Variants in BRD7 observed in about 807,000 individuals in gnomAD.
BRD7 encodes the protein bromodomain-containing protein 7.
A neutral mutation model predicts 82.1 loss-of-function variants in BRD7; 15 were observed. The observed-to-expected ratio is 0.18, with a 90% confidence interval of 0.12 to 0.28. BRD7 has a LOEUF of 0.28. BRD7 is among the 10% of genes least tolerant of loss of function. The probability of loss-of-function intolerance (pLI) is 1.00; values close to 1 mark genes in which losing one functional copy is unlikely to be tolerated. For synonymous variants in BRD7, 232 were observed against 266.9 expected (o/e 0.87, Z 1.27); for missense variants, 638 against 779.9 (o/e 0.82, Z 2.17).
intron 8 of BRD7, among the ~76,000 whole-genome samples, chr16:50,330,694 C>T (rs2037528025): frequency 6.6e-6 from 1 of 151,858 alleles, no homozygotes; most frequent in Non-Finnish European, 1.5e-5. Context: ...AATCAACTGA[C>T]CAAAGAAAAG....
Position 50,340,073 on chromosome 16 carries a change from A to C in BRD7, c.605T>G (p.Leu202Arg). The C allele has an allele frequency of 6.5e-7, 1 of 1,542,050 alleles. No homozygotes were observed. The highest frequency in any genetic ancestry group is 8.8e-7 in the Non-Finnish European group (1 of 1,139,944). The change falls in exon 6 of 17, where the codon CTA (leucine) becomes CGA (arginine). Residue 202 changes from leucine to arginine, a missense_variant. Leu to Arg is a moderately radical substitution (Grantham distance 102, BLOSUM62 -2). This residue lies in a region of BRD7 where 64 missense variants were observed against 123.8 expected (regional missense o/e 0.52). Coordinates refer to ENST00000394688, the MANE Select transcript of BRD7 (RefSeq NM_013263.5). ...SIEELKDNFK[L>R]MCTNAMIYNK... The stretch of plus-strand genomic sequence containing the variant: ...GTAAATCATGGCATTAGTACACATT[A>C]GTTTGAAGTTATCCTGCAGAAAGAA...
intron 5 of BRD7, among the ~76,000 whole-genome samples, chr16:50,347,742 T>C (rs2038347642): frequency 6.6e-6 from 1 of 152,132 alleles, no homozygotes; most frequent in South Asian, 2.1e-4. Flanking sequence ...TATAAACCAC[T>C]GCTCAATGAA....
At chr16:50,336,661 G>A (rs181035281) in intron 6 of BRD7, among the ~76,000 whole-genome samples, 7 of 152,182 alleles carry the variant, frequency 4.6e-5, no homozygotes, top group Admixed American at 4.6e-4. Context: ...AAAAATATTA[G>A]TGAGTTTAAT....
In BRD7 at chr16:50,362,256, C is replaced by T. The variant is rs145882689; in HGVS notation, c.258+5834G>A. On this transcript the variant is annotated intron_variant, in intron 2 of 16. Transcript: ENST00000394688. ...CTGTTAGGGCACTGACTTTATTTCC[C>T]CATGTGCTGTGGGCAGAGGTTGGTG... 2.4e-4 allele frequency among the ~76,000 whole-genome samples: 36 copies of T among 152,256 alleles called. No homozygotes were observed. The East Asian group carries it at 5.6e-3, about 24-fold the overall frequency.
chr16:50,321,569 A>C (rs1161017462), intron 13 of BRD7, among the ~76,000 whole-genome samples: 4 of 37,334 alleles, frequency 1.1e-4, no homozygotes, highest in Admixed American at 4.6e-4. Flanking sequence ...TCCATCTCAA[A>C]AAAAAAAAAA....
At chr16:50,321,847 T>C in intron 13 of BRD7, 135 bp downstream of exon 13, 1 of 757,554 alleles carries the variant, frequency 1.3e-6, no homozygotes, top group South Asian at 1.7e-5. Flanking sequence ...TGGTTTGCCA[T>C]TTCAGCTAGG....
At chr16:50,345,233 TCAC>T (rs1194754082) in intron 5 of BRD7, among the ~76,000 whole-genome samples, 1 of 152,184 alleles carries the variant, frequency 6.6e-6, no homozygotes, top group African/African-American at 2.4e-5. Flanking sequence ...GATTTTGTCA[TCAC>T]CAGGCCTGTC....
intron 5 of BRD7, among the ~76,000 whole-genome samples, chr16:50,344,443 G>A (rs764233960): frequency 1.3e-5 from 2 of 152,202 alleles, no homozygotes; most frequent in South Asian, 4.1e-4. Context: ...GAATGCTTCA[G>A]ACGATCAGTA....
intron 5 of BRD7, among the ~76,000 whole-genome samples, chr16:50,344,646 C>G (rs1214966956): frequency 1.3e-5 from 2 of 151,978 alleles, no homozygotes; most frequent in African/African-American, 2.4e-5. Context: ...CCGATTTGAT[C>G]AAGTGGAAGA....
At chr16:50,332,050 T>C (rs569714552) in intron 8 of BRD7, among the ~76,000 whole-genome samples, 3 of 152,274 alleles carry the variant, frequency 2.0e-5, no homozygotes, top group East Asian at 3.9e-4. Context: ...AATAAAACCT[T>C]GGAAATACTC....
chr16:50,350,909 G>A (rs79730151), intron 4 of BRD7, among the ~76,000 whole-genome samples: 2,402 of 152,276 alleles, frequency 0.016, 62 homozygotes, highest in African/African-American at 0.054. Context: ...GGGAAGAAGG[G>A]TAGGGTCCAG....
chr16:50,333,841 T>G (rs2151156540), intron 7 of BRD7, 144 bp from the exon 8 acceptor site: 1 of 681,300 alleles, frequency 1.5e-6, no homozygotes, highest in South Asian at 2.3e-5. Context: ...CTTGATGACC[T>G]GTTAAGGGTC....
At position 50,368,623 on chromosome 16, in the gene BRD7, G is replaced by T. The variant is rs1267089697; in HGVS notation, c.49+103C>A. On this transcript the variant is annotated intron_variant, in intron 1 of 16. Transcript: ENST00000394688. ...CCCCCTTCGCCGGCCTGGGCCTGCC[G>T]TGGGAAGGAAGGGCCCCGGGCCGCC... 7.9e-6 allele frequency: 10 copies of T among 1,267,678 alleles called. No individual in the cohort carries two copies. The Admixed American group carries it at 2.6e-4, about 33-fold the overall frequency. The allele number at this position is 1,267,678 out of a possible 1,614,324, so 78.5% of individuals were successfully genotyped here.
chr16:50,326,463 C>T, intron 9 of BRD7, 72 bp from the exon 10 acceptor site: 1 of 1,060,798 alleles, frequency 9.4e-7, no homozygotes, highest in Non-Finnish European at 1.3e-6. Context: ...TGCCGAGTGA[C>T]TCCGCACAAA....
intron 9 of BRD7, among the ~76,000 whole-genome samples, chr16:50,327,338 G>A (rs1234307399): frequency 6.6e-6 from 1 of 152,190 alleles, no homozygotes; most frequent in Non-Finnish European, 1.5e-5. Flanking sequence ...CGGCTTCACA[G>A]AAAGCAGCAG....
chr16:50,332,219 A>G (rs1217084054), intron 8 of BRD7, among the ~76,000 whole-genome samples: 1 of 152,198 alleles, frequency 6.6e-6, no homozygotes, highest in Non-Finnish European at 1.5e-5. Flanking sequence ...ACGGGAGAAA[A>G]TATGTGTGAA....
chr16:50,345,637 G>C (rs2038251033), intron 5 of BRD7, among the ~76,000 whole-genome samples: 1 of 152,012 alleles, frequency 6.6e-6, no homozygotes, highest in African/African-American at 2.4e-5. Flanking sequence ...TGATAAAACA[G>C]ACTTTAAACC....
rs1175093695 is a variant in BRD7 at position 50,317,279 on chromosome 16, C to T, written c.*1932G>A. The T allele has an allele frequency of 1.3e-5, 2 of 152,628 alleles. No homozygotes were observed. Among genetic ancestry groups the T allele is most frequent in the African/African-American group, 4.8e-5 (2 of 41,450 alleles). 9.5% of individuals were successfully genotyped at this position (152,628 alleles called of 1,614,324 possible). ...ATGCTGGTAAGGGCAATTAGCCTCG[C>T]TTAAGTTGCCTTTTTTACACACCAA... On this transcript the variant is annotated 3_prime_UTR_variant, in exon 17 of 17. Transcript: ENST00000394688.
rs746626651 is a variant in BRD7, at chr16:50,320,383, T to C, written c.1621A>G (p.Ile541Val). Residue 541 changes from isoleucine (I) to valine (V), a missense_variant, in exon 15 of 17, where the codon ATA becomes GTA. By Grantham distance (29) the Ile-to-Val change is conservative. Around this residue, in one of 3 missense-constraint regions of BRD7, gnomAD observed 402 missense variants for 500.8 expected, o/e 0.80. Coordinates refer to ENST00000394688, the MANE Select transcript of BRD7 (RefSeq NM_013263.5). ...GTCTCATCAAGTTTCTTCTGGAATATTTCAGCTTCTGTGTGGTAAGAAAAC... is the reference window on the plus strand; with the variant it reads ...GTCTCATCAAGTTTCTTCTGGAATACTTCAGCTTCTGTGTGGTAAGAAAAC... Reference protein sequence around the residue: ...VEVFDSEEAEIFQKKLDETTR... With the variant: ...VEVFDSEEAEVFQKKLDETTR... The C allele has an allele frequency of 1.2e-6, 2 of 1,613,340 alleles. No homozygotes were observed. Among genetic ancestry groups the C allele is most frequent in the South Asian group, 2.2e-5 (2 of 91,010 alleles).
Sources: gnomAD v4.1 joint callset for allele counts (sites outside exome capture counted in the v4.1 genomes callset) on GRCh38, gnomAD v4.1.1 for gene constraint, gnomAD v4.1.1 regional missense constraint, MANE v1.5 for transcripts, NCBI Gene and HGNC (gene_info 2026-07-23, HGNC 2026-07-21) for gene names.